The following ZNF423 variants were observed in gnomAD, a reference collection of about 807,000 sequenced individuals.
The protein encoded by ZNF423 is zinc finger protein 423.
In ZNF423, 12 loss-of-function variants were observed where a neutral mutation model predicts 95.8. The ratio of observed to expected loss-of-function variants is 0.13; its 90% CI spans 0.08 to 0.20. The LOEUF is 0.20. Ranked by LOEUF, ZNF423 falls within the 10% of genes least tolerant of loss-of-function variation. The pLI, the probability that ZNF423 is intolerant of heterozygous loss-of-function variation, is 1.00. For missense variants in ZNF423, 1,316 were observed against 1,737.1 expected (o/e 0.76, Z 4.31); for synonymous variants, 749 against 711.9 (o/e 1.05, Z -0.83).
chr16:49,819,310 A>G (rs1392863890), intron 1 of ZNF423, among the ~76,000 whole-genome samples: 1 of 151,746 alleles, frequency 6.6e-6, no homozygotes, highest in Non-Finnish European at 1.5e-5. Flanking sequence ...TCAAATGCTC[A>G]AAACCCATAT....
intron 5 of ZNF423, among the ~76,000 whole-genome samples, chr16:49,621,731 C>G (rs1186089693): frequency 6.6e-6 from 1 of 152,202 alleles, no homozygotes; most frequent in African/African-American, 2.4e-5. Context: ...CACTGGGACA[C>G]TGGGCCCCAA....
intron 2 of ZNF423, among the ~76,000 whole-genome samples, chr16:49,746,823 T>G (rs1013331727): frequency 6.6e-6 from 1 of 152,008 alleles, no homozygotes. Context: ...AAGAACTACT[T>G]CCTCCTAACA....
chr16:49,521,230 C>A (rs1335871464), intron 7 of ZNF423, among the ~76,000 whole-genome samples: 1 of 152,220 alleles, frequency 6.6e-6, no homozygotes, highest in East Asian at 1.9e-4. Context: ...AGAGAAGAGA[C>A]CTCTTGGCAT....
chr16:49,738,146 G>A (rs1369538893), intron 2 of ZNF423, among the ~76,000 whole-genome samples: 1 of 152,200 alleles, frequency 6.6e-6, no homozygotes, highest in African/African-American at 2.4e-5. Flanking sequence ...TGCCTACGGT[G>A]TGCCAGGCAT....
At chr16:49,499,103 C>T (rs879581405) in intron 7 of ZNF423, among the ~76,000 whole-genome samples, 5 of 152,170 alleles carry the variant, frequency 3.3e-5, no homozygotes, top group Non-Finnish European at 5.9e-5. Context: ...CCGAGGTTTG[C>T]CTCATTTACG....
In ZNF423 at chr16:49,513,632, GGGATGGATGGAT is replaced by G. The variant is rs200850664; in HGVS notation, c.3849+9980_3849+9991del. Reference sequence around the variant, plus strand: ...CTCAAAAAATATGTTAACACATATGGGGATGGATGGATGGATGGATGGATGGATGGATGGATG... The same window carrying G: ...CTCAAAAAATATGTTAACACATATGGGGATGGATGGATGGATGGATGGATG... On this transcript the variant is annotated intron_variant, in intron 7 of 7. Coordinates refer to ENST00000563137, the MANE Select transcript of ZNF423 (RefSeq NM_001379286.1). 4.3e-3 allele frequency among the ~76,000 whole-genome samples: 578 copies of G among 135,310 alleles called. 2 individuals are homozygous for G. The highest frequency in any genetic ancestry group is 0.015 in the African/African-American group (525 of 34,770). The allele number at this position is 135,310 out of a possible 152,430, so 88.8% of individuals were successfully genotyped here.
intron 7 of ZNF423, among the ~76,000 whole-genome samples, chr16:49,515,478 A>G (rs951133330): frequency 6.6e-6 from 1 of 152,206 alleles, no homozygotes; most frequent in African/African-American, 2.4e-5. Flanking sequence ...ATCCAGCTTT[A>G]TGTGTGGCTC....
At chr16:49,761,052 G>GCACA (rs35910612) in intron 2 of ZNF423, among the ~76,000 whole-genome samples, 75,661 of 150,732 alleles carry the variant, frequency 0.5, 19,084 homozygotes, top group African/African-American at 0.57. Flanking sequence ...ACACATACAT[G>GCACA]CACACACACA....
At chr16:49,700,505 G>A (rs2032143020) in intron 3 of ZNF423, among the ~76,000 whole-genome samples, 2 of 152,186 alleles carry the variant, frequency 1.3e-5, no homozygotes, top group East Asian at 3.9e-4. Flanking sequence ...GGAATACAGG[G>A]GGCCGTTCCT....
rs1383523671 is a variant in ZNF423, at chr16:49,491,021, T to C, written c.*254A>G. ...GCAGGTTTCTCTAACTCTAGAAATG[T>C]AGTCTGCGGCGGAAAGTCTAAAAGC... On this transcript the variant is annotated 3_prime_UTR_variant, in exon 8 of 8. Transcript: ENST00000563137. 3 of 504,832 alleles carry C rather than the reference T, an allele frequency of 5.9e-6. No homozygotes were observed. The highest frequency in any genetic ancestry group is 7.1e-6 in the Non-Finnish European group (2 of 280,762). The allele number at this position is 504,832 out of a possible 1,614,324, so 31.3% of individuals were successfully genotyped here.
At chr16:49,534,518 G>T (rs1021825677) in intron 5 of ZNF423, among the ~76,000 whole-genome samples, 30 of 152,200 alleles carry the variant, frequency 2.0e-4, no homozygotes, top group Non-Finnish European at 3.1e-4. Flanking sequence ...CTCCCAAAGT[G>T]CTGGGATTAC....
At chr16:49,821,920 C>T (rs2034947347) in intron 1 of ZNF423, among the ~76,000 whole-genome samples, 1 of 152,220 alleles carries the variant, frequency 6.6e-6, no homozygotes, top group Admixed American at 6.5e-5. Context: ...ATGAAAGGGC[C>T]TCTGGGGGAT....
intron 7 of ZNF423, among the ~76,000 whole-genome samples, chr16:49,520,239 G>C (rs1042148114): frequency 1.3e-5 from 2 of 152,284 alleles, no homozygotes; most frequent in East Asian, 3.9e-4. Context: ...CAAATGAATA[G>C]GAAAGCTAGT....
intron 1 of ZNF423, among the ~76,000 whole-genome samples, chr16:49,826,001 A>G (rs1314471996): frequency 6.6e-6 from 1 of 152,168 alleles, no homozygotes; most frequent in African/African-American, 2.4e-5. Flanking sequence ...TCTTGACCCC[A>G]GGAGTTCGAG....
intron 3 of ZNF423, among the ~76,000 whole-genome samples, chr16:49,722,491 T>G (rs946212532): frequency 6.6e-6 from 1 of 152,200 alleles, no homozygotes; most frequent in Non-Finnish European, 1.5e-5. Flanking sequence ...TCCACATCCC[T>G]AGAGCCCAGA....
chr16:49,761,614 C>A (rs368645762), intron 2 of ZNF423, among the ~76,000 whole-genome samples: 2 of 152,222 alleles, frequency 1.3e-5, no homozygotes, highest in African/African-American at 4.8e-5. Flanking sequence ...GTAAATGCAG[C>A]AACATGCGTG....
At chr16:49,703,648 T>C (rs1302553304) in intron 3 of ZNF423, among the ~76,000 whole-genome samples, 2 of 152,230 alleles carry the variant, frequency 1.3e-5, no homozygotes, top group Non-Finnish European at 2.9e-5. Flanking sequence ...GAGAGGCACC[T>C]AGCAGGGGAG....
chr16:49,784,361 C>T (rs2034275513), intron 2 of ZNF423, among the ~76,000 whole-genome samples: 1 of 152,170 alleles, frequency 6.6e-6, no homozygotes, highest in African/African-American at 2.4e-5. Context: ...CATAGCTAGA[C>T]TCCACCTCTA....
At chr16:49,852,124 A>G (rs768977633) in intron 1 of ZNF423, among the ~76,000 whole-genome samples, 65 of 152,162 alleles carry the variant, frequency 4.3e-4, no homozygotes, top group Non-Finnish European at 9.1e-4. Flanking sequence ...CAGTGTTCCC[A>G]AGTCCCTAGA....
Sources: allele counts gnomAD v4.1 joint callset (sites outside exome capture counted in the v4.1 genomes callset), GRCh38; gene constraint gnomAD v4.1.1; transcripts MANE v1.5; gene names NCBI Gene and HGNC (gene_info 2026-07-23, HGNC 2026-07-21).